CLASP1: variants seen among roughly 807,000 people sequenced by gnomAD.
The protein encoded by CLASP1 is CLIP-associating protein 1.
In CLASP1, 38 loss-of-function variants were observed where a neutral mutation model predicts 192.3. The observed-to-expected ratio is 0.20, with a 90% confidence interval of 0.15 to 0.26. The LOEUF (loss-of-function observed/expected upper bound fraction) is 0.26, where lower values mean the gene tolerates loss of function less well. Among genes scored for constraint, CLASP1 ranks in the 10% least tolerant of loss-of-function variants. The pLI is 1.00. For missense variants in CLASP1, 1,433 were observed against 1,932.5 expected (o/e 0.74, Z 4.85); for synonymous variants, 691 against 712.8 (o/e 0.97, Z 0.49).
At chr2:121,391,163 C>A (rs2074275642) in intron 30 of CLASP1, among the ~76,000 whole-genome samples, 1 of 152,166 alleles carries the variant, frequency 6.6e-6, no homozygotes, top group Non-Finnish European at 1.5e-5. Context: ...CTTCCCAGAG[C>A]CTTCACAAGG....
chr2:121,391,670 A>C (rs1574230210), intron 30 of CLASP1, among the ~76,000 whole-genome samples: 1 of 152,216 alleles, frequency 6.6e-6, no homozygotes, highest in East Asian at 1.9e-4. Flanking sequence ...TGGGAGGCCA[A>C]GGTGGGCAGA....
intron 2 of CLASP1, among the ~76,000 whole-genome samples, chr2:121,590,726 A>G (rs1183076815): frequency 6.6e-6 from 1 of 152,188 alleles, no homozygotes; most frequent in Non-Finnish European, 1.5e-5. Flanking sequence ...AGCCTCCAGA[A>G]ATGTGTTTGA....
chr2:121,503,119 G>A (rs75384910), intron 8 of CLASP1, 48 bp downstream of exon 8: 11 of 1,143,486 alleles, frequency 9.6e-6, no homozygotes, highest in African/African-American at 7.7e-5. Context: ...TAAATGATGC[G>A]AATGTAAAAC....
At chr2:121,393,149 C>A (rs2074670765) in intron 30 of CLASP1, among the ~76,000 whole-genome samples, 2 of 152,156 alleles carry the variant, frequency 1.3e-5, no homozygotes, top group Non-Finnish European at 1.5e-5. Context: ...ATTATGTTGT[C>A]TGAAAAGTCC....
At chr2:121,563,016 T>G (rs1264162917) in intron 2 of CLASP1, among the ~76,000 whole-genome samples, 1 of 152,198 alleles carries the variant, frequency 6.6e-6, no homozygotes, top group African/African-American at 2.4e-5. Flanking sequence ...CTGAGGCTCC[T>G]GGGGTTGGGG....
At chr2:121,382,355 G>C (rs1214101072) in intron 32 of CLASP1, 31 bp from the exon 34 acceptor site, 2 of 1,412,304 alleles carry the variant, frequency 1.4e-6, no homozygotes, top group African/African-American at 2.9e-5. Context: ...AAATCAGAGA[G>C]AGAAATACAA....
exon 32 of CLASP1, chr2:121,387,123 T>C: frequency 6.2e-7 from 1 of 1,613,032 alleles, no homozygotes. Context: ...TGACCTTACC[T>C]TGGAGACAGA....
Position 121,382,315 on chromosome 2 carries a change from C to T in CLASP1, c.3384G>A (p.Trp1128Ter). 6.4e-7 allele frequency: 1 copy of T among 1,568,172 alleles called. No homozygotes were observed. Among genetic ancestry groups the T allele is most frequent in the Non-Finnish European group, 8.6e-7 (1 of 1,157,458 alleles). ...TCGCTAACCCGTCGGCACTCCAACC[C>T]CATAACCGACTGCAGTGATCAGAAG... The change falls in exon 33 of 40, where the codon TGG becomes TGA. Residue 1128 changes from tryptophan to a stop codon, truncating the protein, a stop_gained. Transcript: ENST00000263710. LOFTEE classifies it high-confidence loss of function.
chr2:121,385,860 A>T, intron 32 of CLASP1, among the ~76,000 whole-genome samples: 1 of 152,224 alleles, frequency 6.6e-6, no homozygotes, highest in Middle Eastern at 3.2e-3. Context: ...TCAAAAGTCA[A>T]GCATATTTTC....
chr2:121,483,376 A>G (rs1484235181), intron 8 of CLASP1, among the ~76,000 whole-genome samples: 1 of 152,146 alleles, frequency 6.6e-6, no homozygotes, highest in Non-Finnish European at 1.5e-5. Flanking sequence ...GGAAAAAATA[A>G]GTTCTTACTT....
intron 23 of CLASP1, among the ~76,000 whole-genome samples, chr2:121,413,259 TCAAAAACAAAAAA>T (rs1266801001): frequency 2.0e-5 from 3 of 151,852 alleles, no homozygotes; most frequent in Non-Finnish European, 4.4e-5. Flanking sequence ...AGACCCTGTT[TCAAAAACAAAAAA>T]CAAAAACAAA....
chr2:121,503,916 G>A (rs1245631201), intron 7 of CLASP1: 1 of 152,098 alleles, frequency 6.6e-6, no homozygotes, highest in Non-Finnish European at 1.5e-5. Flanking sequence ...ATCATAATTA[G>A]TAGAAAAAGT....
chr2:121,364,583 A>G, intron 36 of CLASP1: 1 of 159,868 alleles, frequency 6.3e-6, no homozygotes, highest in South Asian at 1.7e-4. Flanking sequence ...TTAAATTAAT[A>G]ATACAAAAAT....
At chr2:121,602,346 T>C (rs2063895657) in intron 2 of CLASP1, among the ~76,000 whole-genome samples, 1 of 152,106 alleles carries the variant, frequency 6.6e-6, no homozygotes, top group Non-Finnish European at 1.5e-5. Flanking sequence ...AGACATCACA[T>C]GCTCATGGAT....
At chr2:121,544,812 G>C (rs988300021) in intron 2 of CLASP1, among the ~76,000 whole-genome samples, 5 of 152,072 alleles carry the variant, frequency 3.3e-5, no homozygotes, top group Non-Finnish European at 7.4e-5. Flanking sequence ...ACTCAAAAGA[G>C]AGGTGAAGGC....
intron 2 of CLASP1, among the ~76,000 whole-genome samples, chr2:121,605,041 AGTTTTTAT>A (rs1337202955): frequency 1.3e-5 from 2 of 152,208 alleles, no homozygotes; most frequent in Non-Finnish European, 2.9e-5. Context: ...AGTCCAATCT[AGTTTTTAT>A]TCAGGAAAAC....
chr2:121,497,153 G>C (rs1304503316), intron 8 of CLASP1, among the ~76,000 whole-genome samples: 1 of 152,130 alleles, frequency 6.6e-6, no homozygotes, highest in Non-Finnish European at 1.5e-5. Flanking sequence ...AATTGGTAAA[G>C]ATCGTTAATT....
At chr2:121,616,329 C>T (rs2066457202) in intron 1 of CLASP1, among the ~76,000 whole-genome samples, 1 of 152,106 alleles carries the variant, frequency 6.6e-6, no homozygotes, top group South Asian at 2.1e-4. Context: ...CGCCTGTAAT[C>T]CCAGCTACTC....
exon 2 of CLASP1, chr2:121,605,888 G>A: frequency 6.2e-7 from 1 of 1,613,840 alleles, no homozygotes. Context: ...CTCCATGCGA[G>A]GCTCCATAGT....
Sources: gnomAD v4.1 joint callset for allele counts (sites outside exome capture counted in the v4.1 genomes callset) on GRCh38, gnomAD v4.1.1 for gene constraint, MANE v1.5 for transcripts, NCBI Gene and HGNC (gene_info 2026-07-23, HGNC 2026-07-21) for gene names.